Variants in DUS2 observed in about 807,000 individuals in gnomAD.
DUS2 encodes dihydrouridine synthase 2.
In DUS2, 52 loss-of-function variants were observed where a neutral mutation model predicts 71.3. The ratio of observed to expected loss-of-function variants is 0.73; its 90% CI spans 0.58 to 0.92. The LOEUF (loss-of-function observed/expected upper bound fraction) is 0.92. Among genes scored for constraint, DUS2 ranks in the 40% least tolerant of loss-of-function variants. DUS2 has a pLI of 0.00. For synonymous variants in DUS2, 204 were observed against 227.8 expected, an observed-to-expected ratio of 0.90 and a Z score of 0.94; for missense variants, 558 against 622.6, an observed-to-expected ratio of 0.90 and a Z score of 1.10.
At position 68,075,758 on chromosome 16, in the gene DUS2, G is replaced by C. The variant is rs995536911; in HGVS notation, c.1082+254G>C. The stretch of plus-strand genomic sequence containing the variant: ...TACCGCCTCCCACAACTCAGGGCAG[G>C]GGGGACTTGTCTCCTGTTCCTGAAA... On this transcript the variant is annotated intron_variant, in intron 14 of 16. Coordinates refer to ENST00000565263, the MANE Select transcript of DUS2 (RefSeq NM_017803.5). Among the ~76,000 whole-genome samples the C allele has an allele frequency of 3.3e-5, 5 of 152,240 alleles. No individual in the cohort carries two copies. In the East Asian group the frequency reaches 5.8e-4, roughly 18 times the overall value.
chr16:68,026,875 G>GAAAAAAAA (rs397723152), intron 2 of DUS2: 6 of 63,682 alleles, frequency 9.4e-5, no homozygotes, highest in African/African-American at 3.6e-4. Flanking sequence ...GAGTCTATCT[G>GAAAAAAAA]AAAAAAAAAA....
At chr16:68,039,266 T>C (rs557231922) in intron 3 of DUS2, among the ~76,000 whole-genome samples, 6 of 152,026 alleles carry the variant, frequency 3.9e-5, no homozygotes, top group Non-Finnish European at 7.4e-5. Flanking sequence ...TGTCAGGTAA[T>C]GCAGAGAAAT....
At chr16:68,066,762 T>A in intron 10 of DUS2, 126 bp downstream of exon 10, 1 of 931,632 alleles carries the variant, frequency 1.1e-6, no homozygotes, top group Non-Finnish European at 1.7e-6. Flanking sequence ...TACCTCTGCC[T>A]AGCTCTTTGA....
At chr16:68,032,078 A>C (rs567317339) in intron 2 of DUS2, among the ~76,000 whole-genome samples, 2 of 152,310 alleles carry the variant, frequency 1.3e-5, no homozygotes, top group East Asian at 3.9e-4. Flanking sequence ...ATGAGTGACT[A>C]AAGTGGTGAT....
In DUS2 at chr16:68,079,053, T is replaced by C; in HGVS notation, c.*67T>C. 3.0e-6 allele frequency: 4 copies of C among 1,324,134 alleles called. No homozygotes were observed. In the South Asian group the frequency reaches 6.0e-5, roughly 20 times the overall value. The allele number at this position is 1,324,134 out of a possible 1,614,324, so 82.0% of individuals were successfully genotyped here. Reference sequence around the variant, plus strand: ...TAAGGTGGCTGTGGATGCCACAGCATGAACCAGATGCCGTTGAACAGTTTG... The same window carrying C: ...TAAGGTGGCTGTGGATGCCACAGCACGAACCAGATGCCGTTGAACAGTTTG... On this transcript the variant is annotated 3_prime_UTR_variant, in exon 17 of 17. Coordinates refer to ENST00000565263, the MANE Select transcript of DUS2 (RefSeq NM_017803.5).
chr16:68,051,413 C>T lies in DUS2; in HGVS notation c.172+1863C>T, dbSNP rs1382982456. 3.3e-5 allele frequency among the ~76,000 whole-genome samples: 5 copies of T among 152,066 alleles called. No individual in the cohort carries two copies. The East Asian group carries it at 9.6e-4, about 29-fold the overall frequency. ...TTTTTGTTTGGTTTCTTTTTTGTGACCAGGTCTCACTCTGTTGCTCAGGCT... is the reference window on the plus strand; with the variant it reads ...TTTTTGTTTGGTTTCTTTTTTGTGATCAGGTCTCACTCTGTTGCTCAGGCT... On this transcript the variant is annotated intron_variant, in intron 4 of 16. Coordinates refer to ENST00000565263, the MANE Select transcript of DUS2 (RefSeq NM_017803.5).
At chr16:68,024,515 T>C (rs932032178) in intron 1 of DUS2, among the ~76,000 whole-genome samples, 1 of 152,152 alleles carries the variant, frequency 6.6e-6, no homozygotes, top group African/African-American at 2.4e-5. Context: ...GTTCGTAACA[T>C]CTGGAGAAAA....
chr16:68,023,434 G>T, intron 1 of DUS2, 83 bp downstream of exon 1: 1 of 571,688 alleles, frequency 1.7e-6, no homozygotes, highest in Non-Finnish European at 3.1e-6. Flanking sequence ...AGGACTGGAG[G>T]CTGGCGATAC....
At chr16:68,049,618 C>A in intron 4 of DUS2, 68 bp downstream of exon 4, 1 of 1,461,672 alleles carries the variant, frequency 6.8e-7, no homozygotes, top group South Asian at 1.1e-5. Flanking sequence ...TACCACTGCC[C>A]TTGCCTGGGG....
At chr16:68,078,626 G>A (rs1201634880) in intron 16 of DUS2, 108 bp downstream of exon 16, 2 of 1,486,616 alleles carry the variant, frequency 1.3e-6, no homozygotes, top group Non-Finnish European at 9.3e-7. Context: ...GGTATATGTG[G>A]GCAGTGGCAT....
chr16:68,041,338 G>A (rs1327623280), intron 3 of DUS2, among the ~76,000 whole-genome samples: 1 of 152,188 alleles, frequency 6.6e-6, no homozygotes, highest in Non-Finnish European at 1.5e-5. Context: ...AGTGATGACA[G>A]TTTTTGGGAG....
chr16:68,079,197 GT>G lies in DUS2; in HGVS notation c.*213del. On this transcript the variant is annotated 3_prime_UTR_variant, in exon 17 of 17. Coordinates refer to ENST00000565263, the MANE Select transcript of DUS2 (RefSeq NM_017803.5). Reference sequence around the variant, plus strand: ...TGGTGGATCTGAGTGACAGGGTCAAGTTCTCTTTGAAAACAGGAGCTTTTCA... The same window carrying G: ...TGGTGGATCTGAGTGACAGGGTCAAGTCTCTTTGAAAACAGGAGCTTTTCA... 2.2e-6 allele frequency: 1 copy of G among 445,462 alleles called. No homozygotes were observed. The highest frequency in any genetic ancestry group is 4.0e-6 in the Non-Finnish European group (1 of 252,894). The allele number at this position is 445,462 out of a possible 1,614,324, so 27.6% of individuals were successfully genotyped here.
chr16:68,072,643 C>T lies in DUS2; in HGVS notation c.811-1391C>T, dbSNP rs114959002. On this transcript the variant is annotated intron_variant, in intron 12 of 16. Transcript: ENST00000565263. ...ACTTCCCACTTTGTCCTGAGCGTGC[C>T]GTGGCACTTTCCCAGCCACTGAAGT... 3.7e-3 allele frequency among the ~76,000 whole-genome samples: 559 copies of T among 150,996 alleles called. 7 individuals carry two copies. Among genetic ancestry groups the T allele is most frequent in the African/African-American group, 0.012 (512 of 41,370 alleles).
At chr16:68,070,881 C>T in intron 11 of DUS2, 59 bp from the exon 12 acceptor site, 1 of 1,581,158 alleles carries the variant, frequency 6.3e-7, no homozygotes, top group Non-Finnish European at 8.6e-7. Context: ...CTGACTTTTT[C>T]TGAAAATGCT....
intron 7 of DUS2, among the ~76,000 whole-genome samples, chr16:68,057,076 AAATATAT>A (rs1377305883): frequency 9.0e-5 from 12 of 133,816 alleles, no homozygotes; most frequent in Admixed American, 2.5e-4. Flanking sequence ...TATATGTTAT[AAATATAT>A]AATATATAAT....
chr16:68,074,707 A>C (rs2034133447), intron 13 of DUS2, among the ~76,000 whole-genome samples: 2 of 152,184 alleles, frequency 1.3e-5, no homozygotes. Context: ...TCTCCCTCTC[A>C]CGTGAGCTAT....
At chr16:68,059,747 A>T (rs886100590) in intron 7 of DUS2, among the ~76,000 whole-genome samples, 1 of 152,124 alleles carries the variant, frequency 6.6e-6, no homozygotes, top group African/African-American at 2.4e-5. Context: ...GCATATATTT[A>T]TTGGAATTGT....
intron 2 of DUS2, among the ~76,000 whole-genome samples, chr16:68,031,511 A>T (rs1017059573): frequency 5.9e-5 from 9 of 152,124 alleles, no homozygotes; most frequent in African/African-American, 2.2e-4. Context: ...CTTTCTGCCA[A>T]TAAAAGCTTC....
chr16:68,029,738 G>C (rs908033019), intron 2 of DUS2, among the ~76,000 whole-genome samples: 2 of 151,702 alleles, frequency 1.3e-5, no homozygotes, highest in Non-Finnish European at 2.9e-5. Context: ...TGAGCCACTG[G>C]ACCCAGCCAC....
Sources: allele counts gnomAD v4.1 joint callset (sites outside exome capture counted in the v4.1 genomes callset), GRCh38; gene constraint gnomAD v4.1.1; transcripts MANE v1.5; gene names NCBI Gene and HGNC (gene_info 2026-07-23, HGNC 2026-07-21).